TMEM135: variants seen among roughly 807,000 people sequenced by gnomAD.
The protein encoded by TMEM135 is transmembrane protein 135.
In TMEM135, 30 loss-of-function variants were observed where a neutral mutation model predicts 60.3. The ratio of observed to expected loss-of-function variants is 0.50; its 90% confidence interval spans 0.37 to 0.68. TMEM135 has a LOEUF of 0.68. Among genes scored for constraint, TMEM135 ranks in the 30% least tolerant of loss-of-function variants. TMEM135 has a pLI of 0.00. For missense variants in TMEM135, 468 were observed against 548.8 expected (o/e 0.85, Z 1.47); for synonymous variants, 190 against 186.7 (o/e 1.02, Z -0.14).
chr11:87,045,347 T>G (rs1180727273), intron 1 of TMEM135, among the ~76,000 whole-genome samples: 5 of 152,096 alleles, frequency 3.3e-5, no homozygotes, highest in African/African-American at 7.3e-5. Context: ...TTTTTATATG[T>G]GAGTTCTTGT....
At chr11:87,098,488 T>A (rs1222935224) in intron 4 of TMEM135, among the ~76,000 whole-genome samples, 1 of 152,144 alleles carries the variant, frequency 6.6e-6, no homozygotes, top group African/African-American at 2.4e-5. Flanking sequence ...TATTTTGAAC[T>A]GCGTGTGAAC....
intron 13 of TMEM135, 64 bp downstream of exon 13, chr11:87,318,299 T>C: frequency 8.8e-7 from 1 of 1,137,286 alleles, no homozygotes; most frequent in South Asian, 1.2e-5. Flanking sequence ...GTTAATCAAA[T>C]GGGAGAGAAA....
intron 5 of TMEM135, among the ~76,000 whole-genome samples, chr11:87,163,017 CTTTT>C (rs34718412): frequency 1.4e-5 from 2 of 143,362 alleles, no homozygotes; most frequent in Non-Finnish European, 3.1e-5. Flanking sequence ...TAAATGTCTT[CTTTT>C]TTTTTTTTAA....
chr11:87,131,904 G>C (rs1490359465), intron 4 of TMEM135, among the ~76,000 whole-genome samples: 1 of 152,070 alleles, frequency 6.6e-6, no homozygotes, highest in Non-Finnish European at 1.5e-5. Context: ...TGTCAGATCA[G>C]TGACAGCGTT....
At chr11:87,287,979 C>A (rs1460393495) in intron 6 of TMEM135, among the ~76,000 whole-genome samples, 2 of 152,078 alleles carry the variant, frequency 1.3e-5, no homozygotes, top group African/African-American at 4.8e-5. Context: ...TTAAACTGTA[C>A]AAATAATATA....
chr11:87,126,757 G>A (rs998067789), intron 4 of TMEM135, among the ~76,000 whole-genome samples: 5 of 152,070 alleles, frequency 3.3e-5, no homozygotes, highest in African/African-American at 1.2e-4. Context: ...ATACTAGAAG[G>A]AAGCATTACC....
At chr11:87,151,091 T>A (rs921738941) in intron 4 of TMEM135, among the ~76,000 whole-genome samples, 27 of 152,162 alleles carry the variant, frequency 1.8e-4, no homozygotes, top group African/African-American at 6.0e-4. Context: ...TGTTTCTTTG[T>A]TTAATGAAAT....
chr11:87,086,345 C>T (rs1857095653), intron 3 of TMEM135, among the ~76,000 whole-genome samples: 1 of 152,202 alleles, frequency 6.6e-6, no homozygotes, highest in South Asian at 2.1e-4. Flanking sequence ...AGCCCCAGGC[C>T]TTCCACTGGA....
intron 4 of TMEM135, among the ~76,000 whole-genome samples, chr11:87,152,455 A>G (rs555427340): frequency 2.8e-4 from 42 of 152,042 alleles, no homozygotes; most frequent in African/African-American, 9.6e-4. Context: ...CTGATTCTCA[A>G]TGTTACTTTA....
At chr11:87,245,278 G>A (rs1367961873) in intron 6 of TMEM135, among the ~76,000 whole-genome samples, 1 of 149,518 alleles carries the variant, frequency 6.7e-6, no homozygotes, top group Non-Finnish European at 1.5e-5. Context: ...CACGTATGTG[G>A]TCAATTTTGG....
At chr11:87,204,002 T>G (rs1472824424) in intron 5 of TMEM135, among the ~76,000 whole-genome samples, 1 of 152,190 alleles carries the variant, frequency 6.6e-6, no homozygotes, top group Non-Finnish European at 1.5e-5. Flanking sequence ...TTTACTAGGT[T>G]CTTGTCAATC....
chr11:87,315,708 A>G (rs904766826), intron 12 of TMEM135, among the ~76,000 whole-genome samples: 4 of 151,984 alleles, frequency 2.6e-5, no homozygotes, highest in African/African-American at 9.7e-5. Flanking sequence ...GTTGTTCTGG[A>G]AAGTCAAAAT....
intron 5 of TMEM135, among the ~76,000 whole-genome samples, chr11:87,215,582 G>A (rs1940482626): frequency 6.6e-6 from 1 of 152,162 alleles, no homozygotes; most frequent in African/African-American, 2.4e-5. Context: ...AGAGGAAAGT[G>A]GGGCACTGGA....
At chr11:87,075,872 C>T (rs1856860105) in intron 3 of TMEM135, among the ~76,000 whole-genome samples, 1 of 135,584 alleles carries the variant, frequency 7.4e-6, no homozygotes, top group Non-Finnish European at 1.5e-5. Context: ...CCCTTACTTT[C>T]TCCTAAATAA....
At chr11:87,061,873 A>T (rs1410393736) in intron 1 of TMEM135, among the ~76,000 whole-genome samples, 2 of 152,026 alleles carry the variant, frequency 1.3e-5, no homozygotes, top group Non-Finnish European at 2.9e-5. Flanking sequence ...ATTTTGTATC[A>T]CTCTTCAGTC....
chr11:87,233,206 G>A (rs1483729345), intron 5 of TMEM135, among the ~76,000 whole-genome samples: 3 of 151,778 alleles, frequency 2.0e-5, no homozygotes, highest in African/African-American at 7.2e-5. Flanking sequence ...GCAAAAAGGA[G>A]GGGAAAAAAC....
intron 3 of TMEM135, among the ~76,000 whole-genome samples, chr11:87,088,956 T>G (rs1358140615): frequency 6.6e-6 from 1 of 152,210 alleles, no homozygotes; most frequent in African/African-American, 2.4e-5. Flanking sequence ...ATTTAAGTAC[T>G]GAACACAAAC....
chr11:87,230,776 T>G (rs1241425373), intron 5 of TMEM135, among the ~76,000 whole-genome samples: 1 of 152,098 alleles, frequency 6.6e-6, no homozygotes, highest in Non-Finnish European at 1.5e-5. Flanking sequence ...TCTGTTATGG[T>G]ATCCACTACC....
intron 4 of TMEM135, among the ~76,000 whole-genome samples, chr11:87,113,123 A>G (rs971645812): frequency 1.3e-5 from 2 of 152,092 alleles, no homozygotes; most frequent in African/African-American, 4.8e-5. Flanking sequence ...TGTATCTCCA[A>G]TAGTGATTAG....
Sources: allele counts gnomAD v4.1 joint callset (sites outside exome capture counted in the v4.1 genomes callset), GRCh38; gene constraint gnomAD v4.1.1; transcripts MANE v1.5; gene names NCBI Gene and HGNC (gene_info 2026-07-23, HGNC 2026-07-21).